Variants in USP22 observed in about 807,000 individuals in gnomAD.
The protein encoded by USP22 is ubiquitin specific peptidase 22, also known as ubiquitin carboxyl-terminal hydrolase 22.
Under a neutral mutation model 68.1 loss-of-function variants are expected in USP22, and 22 were observed. The observed-to-expected ratio is 0.32, with a 90% CI of 0.23 to 0.46. The LOEUF (loss-of-function observed/expected upper bound fraction) is 0.46. Ranked by LOEUF, USP22 falls within the 20% of genes least tolerant of loss-of-function variation. The probability of loss-of-function intolerance (pLI) is 1.00; values close to 1 mark genes in which losing one functional copy is unlikely to be tolerated. For synonymous variants in USP22, 279 were observed against 274.2 expected (o/e 1.02, Z -0.17); for missense variants, 433 against 695.8 (o/e 0.62, Z 4.25).
At chr17:21,009,185 G>A (rs919566061) in intron 8 of USP22, among the ~76,000 whole-genome samples, 14 of 151,626 alleles carry the variant, frequency 9.2e-5, no homozygotes, top group Admixed American at 1.3e-4. Context: ...TGCATCAGAA[G>A]CGTGTCTGGC....
At chr17:21,030,221 C>A (rs1243539893) in intron 1 of USP22, among the ~76,000 whole-genome samples, 1 of 152,154 alleles carries the variant, frequency 6.6e-6, no homozygotes, top group African/African-American at 2.4e-5. Flanking sequence ...AGATGCTATG[C>A]AAACAGTGGT....
intron 8 of USP22, among the ~76,000 whole-genome samples, chr17:21,008,553 T>C (rs1278218006): frequency 6.6e-6 from 1 of 152,142 alleles, no homozygotes; most frequent in African/African-American, 2.4e-5. Flanking sequence ...CATGACATTC[T>C]GGAATTGTCA....
At position 21,015,856 on chromosome 17, in the gene USP22, A is replaced by G; in HGVS notation, c.734T>C (p.Leu245Pro). The G allele has an allele frequency of 6.2e-7, 1 of 1,614,144 alleles. No individual in the cohort carries two copies. Among genetic ancestry groups the G allele is most frequent in the Non-Finnish European group, 8.5e-7 (1 of 1,180,028 alleles). Residue 245 changes from leucine to proline, a missense_variant, in exon 6 of 13, where the codon CTG becomes CCG. Transcript: ENST00000261497. Reference sequence around the variant, plus strand: ...CCTCGCGTGGGTCCACACCAGGTGCAGCAACTTATACGGGATGTGAGGGGA... The same window carrying G: ...CCTCGCGTGGGTCCACACCAGGTGCGGCAACTTATACGGGATGTGAGGGGA... ...HRSPHIPYKLLHLVWTHARHL... is the reference protein window; with the variant it reads ...HRSPHIPYKLPHLVWTHARHL...
chr17:21,012,754 C>G (rs921634399), intron 7 of USP22, 76 bp downstream of exon 7: 12 of 1,323,860 alleles, frequency 9.1e-6, no homozygotes, highest in Non-Finnish European at 1.3e-5. Flanking sequence ...AGAGCACACA[C>G]AGCTCTGGAG....
At chr17:21,004,528 C>A (rs1913713168) in intron 11 of USP22, among the ~76,000 whole-genome samples, 177 bp from the exon 12 acceptor site, 1 of 152,188 alleles carries the variant, frequency 6.6e-6, no homozygotes, top group African/African-American at 2.4e-5. Context: ...CCTGGTCACC[C>A]CCCTTGGCTC....
At chr17:21,019,618 C>T (rs906387806) in intron 3 of USP22, among the ~76,000 whole-genome samples, 2 of 151,904 alleles carry the variant, frequency 1.3e-5, no homozygotes, top group Admixed American at 1.3e-4. Context: ...CGTCGAGTTA[C>T]CAAACTAAGA....
At position 21,030,384 on chromosome 17, in the gene USP22, G is replaced by GTATGTA. The variant is rs1555530600; in HGVS notation, c.172-1711_172-1710insTACATA. ...TCAGGCCGCTTGTGTGTGTGTGTGT[G>GTATGTA]TGTATGTATGTATGTATGTATGTAT... On this transcript the variant is annotated intron_variant, in intron 1 of 12. Transcript: ENST00000261497. Among the ~76,000 whole-genome samples, 184 of 57,748 alleles carry GTATGTA rather than the reference G, an allele frequency of 3.2e-3. 1 individual carries two copies. Among genetic ancestry groups the GTATGTA allele is most frequent in the African/African-American group, 9.8e-3 (174 of 17,810 alleles). The allele number at this position is 57,748 out of a possible 152,430, so 37.9% of individuals were successfully genotyped here. A position where few individuals can be genotyped will look rare whatever the true frequency, so the allele number is the denominator to read the frequency against.
At chr17:21,020,696 C>T (rs148989738) in intron 3 of USP22, among the ~76,000 whole-genome samples, 8 of 152,374 alleles carry the variant, frequency 5.3e-5, no homozygotes, top group African/African-American at 1.7e-4. Context: ...TAGAATTCGG[C>T]AGAGCTGAGG....
chr17:21,022,054 C>T (rs565849771), intron 2 of USP22, among the ~76,000 whole-genome samples: 112 of 152,214 alleles, frequency 7.4e-4, no homozygotes, highest in African/African-American at 2.5e-3. Context: ...GTGCCAAGAT[C>T]TTGCCACTGC....
chr17:21,012,871 G>A lies in USP22; in HGVS notation c.903C>T (p.Phe301=). 1.2e-6 allele frequency: 2 copies of A among 1,614,054 alleles called. No individual in the cohort carries two copies. Among genetic ancestry groups the A allele is most frequent in the East Asian group, 2.2e-5 (1 of 44,870 alleles). Reference sequence around the variant, plus strand: ...TGACGTCTGACTGCAACCCGCCTGTGAAGATCTGGTCTATGATGCAGTTGC... The same window carrying A: ...TGACGTCTGACTGCAACCCGCCTGTAAAGATCTGGTCTATGATGCAGTTGC... ...NHCNCIIDQI[F]TGGLQSDVTC... is the part of the protein sequence containing the mutation. Residue 301 remains phenylalanine, a synonymous_variant, in exon 7 of 13, where the codon TTC becomes TTT. Transcript: ENST00000261497.
chr17:21,015,974 C>A, intron 5 of USP22, 75 bp from the exon 6 acceptor site: 1 of 1,500,670 alleles, frequency 6.7e-7, no homozygotes, highest in Non-Finnish European at 8.9e-7. Context: ...ACAATCAAAA[C>A]CTTTATCAGA....
At chr17:21,017,172 C>T (rs1481993598) in intron 5 of USP22, among the ~76,000 whole-genome samples, 1 of 152,234 alleles carries the variant, frequency 6.6e-6, no homozygotes. Flanking sequence ...AACTGCTCAA[C>T]TCTGTGGCTG....
chr17:21,011,148 C>A lies in USP22; in HGVS notation c.1103+3G>T. 6.3e-7 allele frequency: 1 copy of A among 1,583,290 alleles called. No individual in the cohort carries two copies. Among genetic ancestry groups the A allele is most frequent in the Non-Finnish European group, 8.6e-7 (1 of 1,162,848 alleles). Reference sequence around the variant, plus strand: ...CCCCGCCGTGTGGGTGCAGGCCTCTCACCGTCGCAGGCAGTCCGTGAGCGT... The same window carrying A: ...CCCCGCCGTGTGGGTGCAGGCCTCTAACCGTCGCAGGCAGTCCGTGAGCGT... On this transcript the variant is annotated splice_donor_region_variant and intron_variant, in intron 8 of 12. Transcript: ENST00000261497.
intron 1 of USP22, 59 bp from the exon 2 acceptor site, chr17:21,028,733 GA>G: frequency 6.3e-7 from 1 of 1,579,138 alleles, no homozygotes; most frequent in Non-Finnish European, 8.6e-7. Context: ...GTGCTCAGAG[GA>G]AACAGTCAAG....
chr17:21,018,284 C>T (rs372561384), intron 4 of USP22, 173 bp from the exon 5 acceptor site: 7 of 602,274 alleles, frequency 1.2e-5, no homozygotes, highest in East Asian at 3.1e-5. Flanking sequence ...TTTACATGAA[C>T]GGTATTGAAG....
intron 1 of USP22, among the ~76,000 whole-genome samples, chr17:21,035,654 G>T (rs1414347335): frequency 6.6e-6 from 1 of 152,116 alleles, no homozygotes; most frequent in East Asian, 1.9e-4. Flanking sequence ...CTGTAAGAAA[G>T]GAATGAAGAG....
chr17:21,029,417 G>C (rs905498098), intron 1 of USP22, among the ~76,000 whole-genome samples: 8 of 152,172 alleles, frequency 5.3e-5, no homozygotes, highest in Non-Finnish European at 1.0e-4. Flanking sequence ...GTACCCATCA[G>C]ATTTTTTAAA....
At chr17:21,004,832 C>T (rs570782006) in intron 11 of USP22, 96 bp downstream of exon 11, 42 of 1,410,208 alleles carry the variant, frequency 3.0e-5, no homozygotes, top group Middle Eastern at 1.8e-4. Flanking sequence ...AGGTCAGTGG[C>T]GGGGGATCCG....
chr17:21,004,529 C>T (rs78692492), intron 11 of USP22, among the ~76,000 whole-genome samples, 178 bp from the exon 12 acceptor site: 1 of 152,190 alleles, frequency 6.6e-6, no homozygotes, highest in Non-Finnish European at 1.5e-5. Context: ...CTGGTCACCC[C>T]CCTTGGCTCT....
Sources: gnomAD v4.1 joint callset for allele counts (sites outside exome capture counted in the v4.1 genomes callset) on GRCh38, gnomAD v4.1.1 for gene constraint, MANE v1.5 for transcripts, NCBI Gene and HGNC (gene_info 2026-07-23, HGNC 2026-07-21) for gene names.